GRIP1: variants seen among roughly 807,000 people sequenced by gnomAD.
The protein encoded by GRIP1 is glutamate receptor-interacting protein 1.
GRIP1 carries 45 observed loss-of-function variants against 129.9 expected under a neutral mutation model. That is an observed-to-expected ratio of 0.35 (90% CI 0.27 to 0.44). The LOEUF is 0.44. Ranked by LOEUF, GRIP1 falls within the 20% of genes least tolerant of loss-of-function variation. The probability of loss-of-function intolerance (pLI) is 1.00; values close to 1 mark genes in which losing one functional copy is unlikely to be tolerated. For synonymous variants in GRIP1, 530 were observed against 520.8 expected (o/e 1.02, Z -0.24); for missense variants, 1,196 against 1,396.8 (o/e 0.86, Z 2.29).
At chr12:66,380,893 T>C (rs1376259049) in intron 19 of GRIP1, among the ~76,000 whole-genome samples, 1 of 152,196 alleles carries the variant, frequency 6.6e-6, no homozygotes, top group Non-Finnish European at 1.5e-5. Context: ...TGTTTCTTAC[T>C]GTACTTAAAT....
chr12:66,937,442 T>C (rs1240457555), intron 1 of GRIP1, among the ~76,000 whole-genome samples: 1 of 152,176 alleles, frequency 6.6e-6, no homozygotes, highest in African/African-American at 2.4e-5. Context: ...AACAAATAAA[T>C]AGCTGATGTT....
chr12:66,982,567 G>A (rs1218154781), intron 1 of GRIP1, among the ~76,000 whole-genome samples: 1 of 152,190 alleles, frequency 6.6e-6, no homozygotes, highest in Non-Finnish European at 1.5e-5. Context: ...CTGTGGAAGA[G>A]GCCCTCATGG....
At position 66,578,620 on chromosome 12, in the gene GRIP1, C is replaced by T. The variant is rs561808566; in HGVS notation, c.136+18227G>A. On this transcript the variant is annotated intron_variant, in intron 2 of 24. Transcript: ENST00000359742. ...AGGAGATTATATCCCGCACCTGGCT[C>T]AGAGGGTCCTATGCCCACGGAGTCT... is the stretch of plus-strand genomic sequence containing the variant. Among the ~76,000 whole-genome samples, 970 of 152,320 alleles carry T rather than the reference C, an allele frequency of 6.4e-3. 9 individuals are homozygous for T. Among genetic ancestry groups the T allele is most frequent in the African/African-American group, 0.022 (923 of 41,580 alleles).
At chr12:66,387,338 G>A (rs1486886152) in intron 19 of GRIP1, among the ~76,000 whole-genome samples, 1 of 152,230 alleles carries the variant, frequency 6.6e-6, no homozygotes, top group Non-Finnish European at 1.5e-5. Context: ...GAGGAATTCT[G>A]TTTTGTGAGC....
At chr12:66,470,338 A>C (rs555506716) in intron 7 of GRIP1, among the ~76,000 whole-genome samples, 2 of 152,136 alleles carry the variant, frequency 1.3e-5, no homozygotes, top group East Asian at 3.9e-4. Flanking sequence ...CTCCTATTTT[A>C]GTCATTCAAA....
In GRIP1 at chr12:66,348,561, C is replaced by A; in HGVS notation, c.*458G>T. On this transcript the variant is annotated 3_prime_UTR_variant, in exon 25 of 25. Coordinates refer to ENST00000359742, the MANE Select transcript of GRIP1 (RefSeq NM_001366722.1). ...CCAGCAGTTTACCAAACACTAGTTC[C>A]CCTAGTAGAGCCAGCCTATGAGAAG... 5.2e-6 allele frequency: 1 copy of A among 191,116 alleles called. No homozygotes were observed. The highest frequency in any genetic ancestry group is 1.1e-5 in the Non-Finnish European group (1 of 91,344). The allele number at this position is 191,116 out of a possible 1,614,324, so 11.8% of individuals were successfully genotyped here.
chr12:66,977,008 G>A (rs1566102846), intron 1 of GRIP1, among the ~76,000 whole-genome samples: 2 of 152,034 alleles, frequency 1.3e-5, no homozygotes, highest in Non-Finnish European at 2.9e-5. Context: ...AGCTAATTCT[G>A]GTCCCCGCTG....
chr12:66,522,779 G>GA lies in GRIP1; in HGVS notation c.503-4804dup, dbSNP rs577521149. On this transcript the variant is annotated intron_variant, in intron 5 of 24. Coordinates refer to ENST00000359742, the MANE Select transcript of GRIP1 (RefSeq NM_001366722.1). ...CAATGGCAAAGAAGTTAAAAACTTT[G>GA]AAAAAAAATTAGACGAATGGATACC... is the stretch of plus-strand genomic sequence containing the variant. 3.9e-3 allele frequency among the ~76,000 whole-genome samples: 593 copies of GA among 151,806 alleles called. 7 individuals are homozygous for GA. Among genetic ancestry groups the GA allele is most frequent in the African/African-American group, 0.013 (546 of 41,422 alleles).
intron 1 of GRIP1, among the ~76,000 whole-genome samples, chr12:66,639,405 G>A (rs1173287348): frequency 6.6e-6 from 1 of 152,104 alleles, no homozygotes; most frequent in African/African-American, 2.4e-5. Context: ...AAGAGGGAAT[G>A]GCATTTGTGA....
intron 1 of GRIP1, among the ~76,000 whole-genome samples, chr12:67,042,120 T>G (rs2043190075): frequency 6.6e-6 from 1 of 152,150 alleles, no homozygotes; most frequent in Non-Finnish European, 1.5e-5. Context: ...CCCTCTCCCA[T>G]CTAGTGCAGG....
chr12:66,463,912 A>G (rs1205718553), intron 8 of GRIP1, among the ~76,000 whole-genome samples: 1 of 152,192 alleles, frequency 6.6e-6, no homozygotes, highest in East Asian at 1.9e-4. Flanking sequence ...AAATTAAAGC[A>G]TCCTGTGCCA....
At chr12:66,446,094 G>GCCACC (rs1555185775) in intron 11 of GRIP1, among the ~76,000 whole-genome samples, 6 of 140,502 alleles carry the variant, frequency 4.3e-5, no homozygotes, top group African/African-American at 1.4e-4. Context: ...CATTCCTCCT[G>GCCACC]CCGCCCCCCA....
At chr12:66,868,930 G>A (rs1450486581) in intron 1 of GRIP1, among the ~76,000 whole-genome samples, 1 of 152,066 alleles carries the variant, frequency 6.6e-6, no homozygotes, top group Non-Finnish European at 1.5e-5. Context: ...GAGTCTGGAG[G>A]ATGTTTAGAA....
chr12:66,526,879 A>G (rs574627163), intron 5 of GRIP1, among the ~76,000 whole-genome samples: 2 of 146,580 alleles, frequency 1.4e-5, no homozygotes, highest in Admixed American at 1.4e-4. Flanking sequence ...ATGAACAGAC[A>G]CTTCTCAAAA....
chr12:66,897,854 A>G (rs2040777613), intron 1 of GRIP1, among the ~76,000 whole-genome samples: 1 of 152,254 alleles, frequency 6.6e-6, no homozygotes. Context: ...CACACCAGTT[A>G]TGGCTTTGTA....
intron 7 of GRIP1, among the ~76,000 whole-genome samples, chr12:66,507,466 A>G (rs2060564726): frequency 6.6e-6 from 1 of 151,886 alleles, no homozygotes; most frequent in Non-Finnish European, 1.5e-5. Flanking sequence ...AGAAATCAAT[A>G]AAGTATGAAT....
At chr12:66,483,091 T>G (rs1254013465) in intron 7 of GRIP1, among the ~76,000 whole-genome samples, 1 of 152,164 alleles carries the variant, frequency 6.6e-6, no homozygotes, top group African/African-American at 2.4e-5. Context: ...GCAATCACAG[T>G]GCAAGGCTTG....
intron 1 of GRIP1, among the ~76,000 whole-genome samples, chr12:66,792,470 G>A (rs1369832878): frequency 6.6e-6 from 1 of 152,210 alleles, no homozygotes; most frequent in East Asian, 1.9e-4. Context: ...AGCACTTTGG[G>A]AGGCCGAGGG....
At chr12:66,716,044 G>A (rs1450746644) in intron 1 of GRIP1, among the ~76,000 whole-genome samples, 1 of 151,824 alleles carries the variant, frequency 6.6e-6, no homozygotes, top group Admixed American at 6.6e-5. Flanking sequence ...AGGATAACAG[G>A]TATTCTCTTA....
Sources: gnomAD v4.1 joint callset for allele counts (sites outside exome capture counted in the v4.1 genomes callset) on GRCh38, gnomAD v4.1.1 for gene constraint, MANE v1.5 for transcripts, NCBI Gene and HGNC (gene_info 2026-07-23, HGNC 2026-07-21) for gene names.